Variants in LPCAT3 observed in about 807,000 individuals in gnomAD.
LPCAT3 encodes lysophospholipid acyltransferase 5.
LPCAT3 carries 21 observed loss-of-function variants against 63.4 expected under a neutral mutation model. That is an observed-to-expected ratio of 0.33 (90% confidence interval 0.23 to 0.48). The LOEUF is 0.48. Ranked by LOEUF, LPCAT3 falls within the 20% of genes least tolerant of loss-of-function variation. The pLI is 0.99. For missense variants in LPCAT3, 451 were observed against 590.6 expected (o/e 0.76, Z 2.45); for synonymous variants, 242 against 227.5 (o/e 1.06, Z -0.58).
At chr12:7,000,146 C>T (rs1414421440) in intron 1 of LPCAT3, among the ~76,000 whole-genome samples, 1 of 151,702 alleles carries the variant, frequency 6.6e-6, no homozygotes, top group Non-Finnish European at 1.5e-5. Context: ...TCTTGAACTC[C>T]TGACCTCTGG....
At chr12:6,985,217 C>T (rs1456195282) in intron 1 of LPCAT3, among the ~76,000 whole-genome samples, 2 of 151,598 alleles carry the variant, frequency 1.3e-5, no homozygotes, top group African/African-American at 4.9e-5. Flanking sequence ...CGGTGAAACC[C>T]CGTCTCTACT....
chr12:7,007,125 C>A (rs1189015233), intron 1 of LPCAT3, among the ~76,000 whole-genome samples: 1 of 151,988 alleles, frequency 6.6e-6, no homozygotes, highest in East Asian at 1.9e-4. Context: ...CTCACTGCAA[C>A]CTCTGCCTCC....
chr12:6,979,715 A>C (rs1223283967), intron 6 of LPCAT3, 136 bp from the exon 7 acceptor site: 1 of 644,302 alleles, frequency 1.6e-6, no homozygotes, highest in African/African-American at 1.8e-5. Flanking sequence ...TCTGCTGCCC[A>C]AAGTGTTTCC....
intron 1 of LPCAT3, chr12:7,001,306 G>C (rs1420641279): frequency 5.0e-6 from 2 of 397,646 alleles, no homozygotes; most frequent in Non-Finnish European, 5.0e-6. Flanking sequence ...AAAACTTATA[G>C]AAGATATTTT....
chr12:6,985,282 G>C (rs1946511572), intron 1 of LPCAT3, among the ~76,000 whole-genome samples: 1 of 151,914 alleles, frequency 6.6e-6, no homozygotes, highest in South Asian at 2.1e-4. Context: ...TATAGTCCCA[G>C]CTACTAGGGA....
At position 6,979,235 on chromosome 12, in the gene LPCAT3, A is replaced by C. The variant is rs1429536703; in HGVS notation, c.786+236T>G. 9.1e-6 allele frequency: 5 copies of C among 550,592 alleles called. No homozygotes were observed. In the African/African-American group the frequency reaches 9.5e-5, roughly 10 times the overall value. The allele number at this position is 550,592 out of a possible 1,614,324, so 34.1% of individuals were successfully genotyped here. A position where few individuals can be genotyped will look rare whatever the true frequency, so the allele number is the denominator to read the frequency against. On this transcript the variant is annotated intron_variant, in intron 7 of 12. Coordinates refer to ENST00000261407, the MANE Select transcript of LPCAT3 (RefSeq NM_005768.6). ...GGCAAGCTAGGAGCGGCTCCTAGAGAAGGCAACGGGTGCTAAATGTGCACC... is the reference window on the plus strand; with the variant it reads ...GGCAAGCTAGGAGCGGCTCCTAGAGCAGGCAACGGGTGCTAAATGTGCACC...
chr12:6,989,659 G>A (rs782362590), intron 1 of LPCAT3, among the ~76,000 whole-genome samples: 1 of 152,214 alleles, frequency 6.6e-6, no homozygotes, highest in East Asian at 1.9e-4. Flanking sequence ...CCTCTTCAGG[G>A]GTTGTAGTCA....
intron 1 of LPCAT3, among the ~76,000 whole-genome samples, chr12:7,002,409 G>A (rs1037882797): frequency 2.0e-5 from 3 of 152,074 alleles, no homozygotes; most frequent in African/African-American, 7.2e-5. Context: ...TTGCCCAAAG[G>A]TTGCCCTGCC....
intron 1 of LPCAT3, among the ~76,000 whole-genome samples, chr12:7,015,882 C>T (rs1292345484): frequency 6.6e-6 from 1 of 152,138 alleles, no homozygotes. Flanking sequence ...TGACAGTACA[C>T]AGCAATAGCC....
chr12:6,977,637 G>A lies in LPCAT3; in HGVS notation c.1149C>T (p.Cys383=), dbSNP rs781965255. Residue 383 remains cysteine (C), a synonymous_variant, in exon 10 of 13, where the codon TGC becomes TGT. Coordinates refer to ENST00000261407, the MANE Select transcript of LPCAT3 (RefSeq NM_005768.6). This position sits in a 1 kb window ranked among gnomAD's most constrained non-coding sequence, Gnocchi z 4.5. The stretch of plus-strand genomic sequence containing the variant: ...TAACAATGAGGAATTCCATCTGGAA[G>A]CAGACCAGGTATCCTGAGTGCAGGC... The part of the protein sequence containing the change: ...WHGLHSGYLV[C]FQMEFLIVIV... 1 of 1,614,254 alleles carries A rather than the reference G, an allele frequency of 6.2e-7. No homozygotes were observed. The highest frequency in any genetic ancestry group is 2.2e-5 in the East Asian group (1 of 44,896).
intron 1 of LPCAT3, among the ~76,000 whole-genome samples, chr12:7,008,094 C>T (rs1192130476): frequency 2.0e-5 from 3 of 152,042 alleles, no homozygotes; most frequent in African/African-American, 4.8e-5. Context: ...GAACTTACAC[C>T]ATCAGTCCAT....
chr12:7,002,635 A>G (rs781813002), intron 1 of LPCAT3, among the ~76,000 whole-genome samples: 3 of 152,326 alleles, frequency 2.0e-5, no homozygotes, highest in East Asian at 1.9e-4. Flanking sequence ...AATTATCCTT[A>G]TAAATTTGAA....
At chr12:6,980,556 A>T (rs904668497) in intron 6 of LPCAT3, among the ~76,000 whole-genome samples, 1 of 151,330 alleles carries the variant, frequency 6.6e-6, no homozygotes, top group Non-Finnish European at 1.5e-5. Flanking sequence ...GAGTCTCTCT[A>T]TGTTGCCAGG....
At chr12:7,007,794 C>T (rs782411805) in intron 1 of LPCAT3, among the ~76,000 whole-genome samples, 147 of 152,264 alleles carry the variant, frequency 9.7e-4, no homozygotes, top group Admixed American at 2.2e-3. Flanking sequence ...TGTGCCCGGC[C>T]ATGACAAAAG....
At chr12:6,980,519 T>A (rs781823654) in intron 6 of LPCAT3, among the ~76,000 whole-genome samples, 14 of 151,640 alleles carry the variant, frequency 9.2e-5, no homozygotes, top group African/African-American at 2.7e-4. Context: ...CTATGTCTGA[T>A]AATTTTTGTA....
chr12:7,000,982 T>C (rs1460983186), intron 1 of LPCAT3, among the ~76,000 whole-genome samples: 1 of 152,092 alleles, frequency 6.6e-6, no homozygotes, highest in Non-Finnish European at 1.5e-5. Flanking sequence ...GCTGGGATTA[T>C]AGGTGTGAGC....
At chr12:7,016,817 T>C (rs1555157644) in intron 1 of LPCAT3, among the ~76,000 whole-genome samples, 1 of 152,246 alleles carries the variant, frequency 6.6e-6, no homozygotes, top group African/African-American at 2.4e-5. Flanking sequence ...ATTTGGATGA[T>C]GTCTGGGTGA....
chr12:6,977,484 C>A lies in LPCAT3; in HGVS notation c.1230G>T (p.Leu410=). The A allele has an allele frequency of 6.2e-7, 1 of 1,614,192 alleles. No homozygotes were observed. The highest frequency in any genetic ancestry group is 1.1e-5 in the South Asian group (1 of 91,086). The change falls in exon 11 of 13, where the codon CTG becomes CTT. Residue 410 remains leucine (L), a synonymous_variant. Coordinates refer to ENST00000261407, the MANE Select transcript of LPCAT3 (RefSeq NM_005768.6). This position sits in a 1 kb window ranked among gnomAD's most constrained non-coding sequence, Gnocchi z 4.5. ...AGGGCTGGAGGACAGTAATGGCGGC[C>A]AGCTTGCTCAGGGTGGGGCTCTCTT... ...LIQESPTLSK[L]AAITVLQPFY...
chr12:7,000,911 G>T (rs1411859142), intron 1 of LPCAT3, among the ~76,000 whole-genome samples: 6 of 151,984 alleles, frequency 3.9e-5, no homozygotes, highest in Admixed American at 3.9e-4. Flanking sequence ...GTTTCACCGT[G>T]TTAGCCAGGA....
Sources: gnomAD v4.1 joint callset for allele counts (sites outside exome capture counted in the v4.1 genomes callset) on GRCh38, gnomAD v4.1.1 for gene constraint, Gnocchi (gnomAD v3.1) non-coding constraint, MANE v1.5 for transcripts, NCBI Gene and HGNC (gene_info 2026-07-23, HGNC 2026-07-21) for gene names.